PFKFB4: variants seen among roughly 807,000 people sequenced by gnomAD.
The protein encoded by PFKFB4 is 6-phosphofructo-2-kinase/fructose-2,6-bisphosphatase 4.
In PFKFB4, 42 loss-of-function variants were observed where a neutral mutation model predicts 62.8. The observed-to-expected ratio is 0.67, with a 90% CI of 0.52 to 0.86. PFKFB4 has a LOEUF of 0.86. PFKFB4 is among the 40% of genes least tolerant of loss of function. PFKFB4 has a pLI of 0.00. For synonymous variants in PFKFB4, 204 were observed against 240.7 expected, an observed-to-expected ratio of 0.85 and a Z score of 1.41; for missense variants, 475 against 627.2, an observed-to-expected ratio of 0.76 and a Z score of 2.59.
At chr3:48,538,422 A>G in intron 7 of PFKFB4, 76 bp downstream of exon 7, 2 of 1,560,260 alleles carry the variant, frequency 1.3e-6, no homozygotes, top group African/African-American at 2.7e-5. Context: ...CACCATGGGG[A>G]GCCATAGGAG....
chr3:48,557,345 C>T (rs1408796006), upstream of PFKFB4, among the ~76,000 whole-genome samples: 2 of 152,218 alleles, frequency 1.3e-5, no homozygotes, highest in African/African-American at 4.8e-5. Flanking sequence ...CAGTCCCAGC[C>T]GTCAACTCCG....
chr3:48,539,866 C>T (rs1398269238), intron 4 of PFKFB4, 95 bp from the exon 5 acceptor site: 2 of 941,880 alleles, frequency 2.1e-6, no homozygotes, highest in Non-Finnish European at 3.4e-6. Context: ...GCAGCACAGG[C>T]TCTCTGGGGA....
At position 48,537,867 on chromosome 3, in the gene PFKFB4, T is replaced by C. The variant is rs181504911; in HGVS notation, c.632+631A>G. ...TAGAATTACAGAACCTAAGCACAAG[T>C]TTGTATTCCAGCCTTTTCACTGAAT... On this transcript the variant is annotated intron_variant, in intron 7 of 13. Transcript: ENST00000232375. 7.1e-3 allele frequency among the ~76,000 whole-genome samples: 1,085 copies of C among 152,234 alleles called. 18 individuals are homozygous for C. Among genetic ancestry groups the C allele is most frequent in the South Asian group, 6.2e-3 (30 of 4,826 alleles).
chr3:48,529,799 C>T (rs759492470), intron 9 of PFKFB4, among the ~76,000 whole-genome samples: 1 of 152,050 alleles, frequency 6.6e-6, no homozygotes, highest in Non-Finnish European at 1.5e-5. Flanking sequence ...ACAGAAAATA[C>T]AAAAATTAGC....
Position 48,556,539 on chromosome 3 carries a change from G to A in PFKFB4, c.97+142C>T. The A allele has an allele frequency of 1.0e-6, 1 of 983,706 alleles. No individual in the cohort carries two copies. The highest frequency in any genetic ancestry group is 1.5e-6 in the Non-Finnish European group (1 of 680,370). The allele number at this position is 983,706 out of a possible 1,614,324, so 60.9% of individuals were successfully genotyped here. On this transcript the variant is annotated intron_variant, in intron 1 of 13. Transcript: ENST00000232375. This position sits in a 1 kb window ranked among gnomAD's most constrained non-coding sequence, Gnocchi z 5.7. ...ACGACCGCCTCACCTGTCCCCAGCA[G>A]CCTCCCCAGTCACGGCAACCTCACC...
intron 9 of PFKFB4, among the ~76,000 whole-genome samples, chr3:48,527,633 G>A (rs2042304391): frequency 6.6e-6 from 1 of 151,656 alleles, no homozygotes; most frequent in Non-Finnish European, 1.5e-5. Flanking sequence ...AGATTATTCT[G>A]GTGAAGGCAC....
chr3:48,534,813 A>AT lies in PFKFB4; in HGVS notation c.987+698dup, dbSNP rs371931700. 6.1e-3 allele frequency among the ~76,000 whole-genome samples: 894 copies of AT among 146,242 alleles called. 7 individuals are homozygous for AT. The highest frequency in any genetic ancestry group is 0.01 in the East Asian group (52 of 5,050). On this transcript the variant is annotated intron_variant, in intron 9 of 13. Transcript: ENST00000232375. ...GCAACCCAGAAGTCAGCAGAAGAGC[A>AT]TTTTTTTTTTTTTGAGACAGAACAT...
At position 48,536,256 on chromosome 3, in the gene PFKFB4, C is replaced by T. The variant is rs750404017; in HGVS notation, c.840G>A (p.Glu280=). The T allele has an allele frequency of 1.2e-6, 2 of 1,612,538 alleles. No individual in the cohort carries two copies. The highest frequency in any genetic ancestry group is 1.3e-5 in the African/African-American group (1 of 75,046). ...CGCACGCAGGGACACATGCACTGAC[C>T]TCCCTGCCCCGAGGGGACAGTCCTG... ...GDPGLSPRGR[E]FAKSLAQFIS... is the part of the protein sequence containing the mutation. Residue 280 remains glutamate, a splice_region_variant and synonymous_variant, in exon 8 of 14, where the codon GAG becomes GAA. Transcript: ENST00000232375.
intron 9 of PFKFB4, among the ~76,000 whole-genome samples, chr3:48,529,667 AT>A (rs1465780764): frequency 1.3e-5 from 2 of 152,244 alleles, no homozygotes; most frequent in Non-Finnish European, 2.9e-5. Context: ...AGTTATAAAA[AT>A]TGCTTACTTT....
rs756632093 is a variant in PFKFB4, at chr3:48,519,455, C to A, written c.*292G>T. ...CCAACTGAGCTGGCGAGAGTGAACACCTAAGAGCTGCGCCGGAAGAAACTG... is the reference window on the plus strand; with the variant it reads ...CCAACTGAGCTGGCGAGAGTGAACAACTAAGAGCTGCGCCGGAAGAAACTG... On this transcript the variant is annotated 3_prime_UTR_variant, in exon 14 of 14. Coordinates refer to ENST00000232375, the MANE Select transcript of PFKFB4 (RefSeq NM_004567.4). The A allele has an allele frequency of 6.8e-6, 3 of 443,070 alleles. No individual in the cohort carries two copies. The highest frequency in any genetic ancestry group is 1.2e-5 in the Non-Finnish European group (3 of 243,232). 27.4% of individuals were successfully genotyped at this position (443,070 alleles called of 1,614,324 possible).
At chr3:48,555,810 G>A (rs1490843777) in intron 1 of PFKFB4, among the ~76,000 whole-genome samples, 1 of 152,070 alleles carries the variant, frequency 6.6e-6, no homozygotes, top group East Asian at 1.9e-4. Flanking sequence ...AGGTTGAGGT[G>A]GGAGGATTGC....
At chr3:48,527,790 C>A (rs1182180129) in intron 9 of PFKFB4, among the ~76,000 whole-genome samples, 1 of 147,086 alleles carries the variant, frequency 6.8e-6, no homozygotes, top group Non-Finnish European at 1.5e-5. Flanking sequence ...CATGTTTAAA[C>A]AATTCTCCTG....
chr3:48,554,434 T>G (rs2043250525), intron 1 of PFKFB4, among the ~76,000 whole-genome samples: 1 of 152,180 alleles, frequency 6.6e-6, no homozygotes. Flanking sequence ...CTTTGGCCTC[T>G]CAGGTGCTAC....
At chr3:48,523,473 A>G in intron 12 of PFKFB4, 64 bp downstream of exon 12, 1 of 1,446,370 alleles carries the variant, frequency 6.9e-7, no homozygotes. Flanking sequence ...GGAGAAAATC[A>G]TGGAACTGTG....
chr3:48,536,480 T>A lies in PFKFB4; in HGVS notation c.633-17A>T. ...GACAGGTCCCTGTCCAGAGAGAAAG[T>A]AGAAAGAGGCCTGTGAGCGTGGCCA... On this transcript the variant is annotated splice_polypyrimidine_tract_variant and intron_variant, in intron 7 of 13. Coordinates refer to ENST00000232375, the MANE Select transcript of PFKFB4 (RefSeq NM_004567.4). 1 of 1,588,874 alleles carries A rather than the reference T, an allele frequency of 6.3e-7. No homozygotes were observed. The highest frequency in any genetic ancestry group is 8.6e-7 in the Non-Finnish European group (1 of 1,158,440).
chr3:48,539,793 C>T, intron 4 of PFKFB4, 22 bp from the exon 5 acceptor site: 1 of 1,605,570 alleles, frequency 6.2e-7, no homozygotes, highest in Non-Finnish European at 8.5e-7. Flanking sequence ...CTAGGGTTAA[C>T]TCAGCCTCTG....
At chr3:48,524,329 G>A (rs977263418) in intron 10 of PFKFB4, among the ~76,000 whole-genome samples, 14 of 152,170 alleles carry the variant, frequency 9.2e-5, no homozygotes, top group Non-Finnish European at 1.6e-4. Context: ...CGTGATGTAC[G>A]GTTTAGGCCC....
intron 1 of PFKFB4, among the ~76,000 whole-genome samples, chr3:48,555,720 A>T (rs1386667320): frequency 6.6e-6 from 1 of 151,076 alleles, no homozygotes. Context: ...ACATAGCAAG[A>T]CCCTGTCTCT....
chr3:48,523,836 A>C lies in PFKFB4; in HGVS notation c.1093-6T>G. On this transcript the variant is annotated splice_region_variant and splice_polypyrimidine_tract_variant and intron_variant, in intron 10 of 13. Transcript: ENST00000232375. ...TGGACCAGGTCCTCGTAGGACTGCA[A>C]GGGCAAGCAGAGAGGGGTCCCTCAG... 2.5e-6 allele frequency: 4 copies of C among 1,612,860 alleles called. No individual in the cohort carries two copies. The highest frequency in any genetic ancestry group is 2.5e-6 in the Non-Finnish European group (3 of 1,179,200).
Sources: allele counts gnomAD v4.1 joint callset (sites outside exome capture counted in the v4.1 genomes callset), GRCh38; gene constraint gnomAD v4.1.1; non-coding constraint Gnocchi (gnomAD v3.1); transcripts MANE v1.5; gene names NCBI Gene and HGNC (gene_info 2026-07-23, HGNC 2026-07-21).